The following CYP4F11 variants were observed in gnomAD, a reference collection of about 807,000 sequenced individuals.
CYP4F11 encodes the protein cytochrome P450 family 4 subfamily F member 11.
CYP4F11 carries 79 observed loss-of-function variants against 62.2 expected under a neutral mutation model. The ratio of observed to expected loss-of-function variants is 1.27; its 90% CI spans 1.06 to 1.53. The LOEUF (loss-of-function observed/expected upper bound fraction) is 1.53, where lower values mean the gene tolerates loss of function less well. CYP4F11 is among the 40% of genes most tolerant of loss of function. The pLI is 0.00. For missense variants in CYP4F11, 777 were observed against 680.5 expected (o/e 1.14, Z -1.58); for synonymous variants, 290 against 263.7 (o/e 1.10, Z -0.97).
intron 8 of CYP4F11, among the ~76,000 whole-genome samples, chr19:15,919,341 A>AGATC (rs1334235845): frequency 6.8e-6 from 1 of 147,506 alleles, no homozygotes; most frequent in Non-Finnish European, 1.5e-5. Flanking sequence ...TGATATAGAT[A>AGATC]GATCGATGGA....
At chr19:15,917,176 A>G (rs902347304) in intron 8 of CYP4F11, among the ~76,000 whole-genome samples, 16 of 152,332 alleles carry the variant, frequency 1.1e-4, no homozygotes, top group African/African-American at 3.8e-4. Context: ...CAAGAATAAA[A>G]AACCAAATAT....
chr19:15,931,581 CGAGG>C (rs1332987419), intron 1 of CYP4F11, among the ~76,000 whole-genome samples: 10 of 55,820 alleles, frequency 1.8e-4, no homozygotes, highest in South Asian at 7.8e-4. Context: ...AATGAGTGAG[CGAGG>C]AGAGGAATGA....
At chr19:15,915,047 G>A in intron 8 of CYP4F11, 152 bp from the exon 9 acceptor site, 1 of 1,336,398 alleles carries the variant, frequency 7.5e-7, no homozygotes. Flanking sequence ...AAAAAAATTA[G>A]AAAAGCAGAA....
intron 8 of CYP4F11, among the ~76,000 whole-genome samples, chr19:15,915,907 G>A (rs980978642): frequency 6.6e-6 from 1 of 151,570 alleles, no homozygotes; most frequent in Non-Finnish European, 1.5e-5. Flanking sequence ...TAAAAGATAA[G>A]ATATTAATAA....
chr19:15,930,583 C>G (rs576854962), intron 1 of CYP4F11, among the ~76,000 whole-genome samples: 1 of 152,118 alleles, frequency 6.6e-6, no homozygotes, highest in Non-Finnish European at 1.5e-5. Context: ...CAGAGTGAGA[C>G]TCTGTCTCAA....
chr19:15,922,887 C>G (rs2089639672), intron 6 of CYP4F11, among the ~76,000 whole-genome samples: 1 of 127,282 alleles, frequency 7.9e-6, no homozygotes, highest in African/African-American at 2.6e-5. Flanking sequence ...AACCCCGTCC[C>G]TACTAAAAAA....
chr19:15,920,515 G>T (rs2089617477), intron 8 of CYP4F11, among the ~76,000 whole-genome samples: 1 of 152,104 alleles, frequency 6.6e-6, no homozygotes, highest in Admixed American at 6.5e-5. Flanking sequence ...TTGAAATCTT[G>T]GTTTTAAAAG....
At chr19:15,929,356 G>A (rs1011874719) in intron 2 of CYP4F11, 101 bp downstream of exon 2, 36 of 1,464,014 alleles carry the variant, frequency 2.5e-5, no homozygotes, top group Non-Finnish European at 3.1e-5. Context: ...AGGAAGAGGG[G>A]CCTGGGCCCT....
In CYP4F11 at chr19:15,912,697, A is replaced by ATATATG. The variant is rs1243320677; in HGVS notation, c.*1034_*1035insCATATA. 1.7e-4 allele frequency: 12 copies of ATATATG among 72,696 alleles called. No individual in the cohort carries two copies. The highest frequency in any genetic ancestry group is 5.1e-4 in the African/African-American group (9 of 17,670). The allele number at this position is 72,696 out of a possible 1,614,324, so 4.5% of individuals were successfully genotyped here. A position where few individuals can be genotyped will look rare whatever the true frequency, so the allele number is the denominator to read the frequency against. ...AAAAAAAAAATATATATATATATAT[A>ATATATG]TGTGTGTGTGTGTGTGTGTGTGTGT... On this transcript the variant is annotated 3_prime_UTR_variant, in exon 12 of 12. Coordinates refer to ENST00000402119, the MANE Select transcript of CYP4F11 (RefSeq NM_021187.4).
In CYP4F11 at chr19:15,924,741, G is replaced by T; in HGVS notation, c.647+20C>A. On this transcript the variant is annotated intron_variant, in intron 5 of 11. Coordinates refer to ENST00000402119, the MANE Select transcript of CYP4F11 (RefSeq NM_021187.4). ...CTTGGGTTCCAGGCCCAAGTTCTCA[G>T]GTCCTAGGAAAGGACTCACTCCTGA... 1 of 1,604,696 alleles carries T rather than the reference G, an allele frequency of 6.2e-7. No homozygotes were observed. Among genetic ancestry groups the T allele is most frequent in the Non-Finnish European group, 8.5e-7 (1 of 1,174,132 alleles).
In CYP4F11 at chr19:15,927,480, G is replaced by A. The variant is rs1454087694; in HGVS notation, c.347C>T (p.Ala116Val). 1.2e-6 allele frequency: 2 copies of A among 1,614,160 alleles called. No homozygotes were observed. The highest frequency in any genetic ancestry group is 1.7e-6 in the Non-Finnish European group (2 of 1,180,034). Residue 116 changes from alanine to valine, a missense_variant, in exon 3 of 12, where the codon GCT becomes GTT. Coordinates refer to ENST00000402119, the MANE Select transcript of CYP4F11 (RefSeq NM_021187.4). ...GAAAATCATATCCTTGGGTGCGACA[G>A]CAGCTGACATGATTGAGGACCATCA... The part of the protein sequence containing the change: ...IIRPITSASA[A>V]VAPKDMIFYG...
intron 4 of CYP4F11, among the ~76,000 whole-genome samples, chr19:15,925,729 T>TGCACACAC (rs138322139): frequency 7.0e-6 from 1 of 142,820 alleles, no homozygotes; most frequent in African/African-American, 2.6e-5. Context: ...TACATATATG[T>TGCACACAC]ACACACACAC....
At chr19:15,923,238 CCTCT>C (rs3056063) in intron 6 of CYP4F11, among the ~76,000 whole-genome samples, 6,172 of 110,434 alleles carry the variant, frequency 0.056, 185 homozygotes, top group African/African-American at 0.1. Flanking sequence ...AAGCAAACAT[CCTCT>C]CTCTCTCTCT....
At position 15,914,345 on chromosome 19, in the gene CYP4F11, T is replaced by C. The variant is rs761645548; in HGVS notation, c.1357A>G (p.Arg453Gly). 1.2e-6 allele frequency: 2 copies of C among 1,613,976 alleles called. No homozygotes were observed. The highest frequency in any genetic ancestry group is 1.7e-6 in the Non-Finnish European group (2 of 1,179,974). The change falls in exon 11 of 12, where the codon AGG becomes GGG. Residue 453 changes from arginine (R) to glycine (G), a missense_variant. Coordinates refer to ENST00000402119, the MANE Select transcript of CYP4F11 (RefSeq NM_021187.4). ...AAGGGAATAAAAGCCAGAGGTGACC[T>C]CTCCTTGATGTTCTCTTGGTCGAAA... is the stretch of plus-strand genomic sequence containing the variant. ...FRFDQENIKERSPLAFIPFSA... is the reference protein window; with the variant it reads ...FRFDQENIKEGSPLAFIPFSA...
intron 8 of CYP4F11, among the ~76,000 whole-genome samples, chr19:15,916,499 T>C (rs1264927639): frequency 6.6e-6 from 1 of 152,098 alleles, no homozygotes. Context: ...ACCCACATAG[T>C]GGAAGAAAAT....
intron 6 of CYP4F11, 141 bp from the exon 7 acceptor site, chr19:15,922,571 T>A: frequency 1.2e-6 from 1 of 812,016 alleles, no homozygotes; most frequent in Non-Finnish European, 2.0e-6. Context: ...TGTCTCTTGG[T>A]CACCACCATC....
At position 15,934,249 on chromosome 19, in the gene CYP4F11, G is replaced by A. The variant is rs767737472; in HGVS notation, c.160C>T (p.Pro54Ser). ...CCCCAAAACCAGTTCTGTTTCGGGG[G>A]TTGAGGAAAACACTGGAGGCGGCGG... is the stretch of plus-strand genomic sequence containing the variant. ...NCRRLQCFPQ[P>S]PKQNWFWGHQ... The change falls in exon 1 of 12, where the codon CCC (proline) becomes TCC (serine). Residue 54 changes from proline (P) to serine (S), a missense_variant. Pro to Ser is a moderately conservative substitution (Grantham distance 74). Transcript: ENST00000402119. 6.2e-7 allele frequency: 1 copy of A among 1,613,808 alleles called. No homozygotes were observed. The highest frequency in any genetic ancestry group is 2.2e-5 in the East Asian group (1 of 44,874).
intron 8 of CYP4F11, among the ~76,000 whole-genome samples, chr19:15,920,869 C>G (rs1350478423): frequency 6.6e-6 from 1 of 152,136 alleles, no homozygotes; most frequent in Non-Finnish European, 1.5e-5. Flanking sequence ...TTCTCCCTCT[C>G]TATTCATCTC....
At chr19:15,922,220 A>T in intron 7 of CYP4F11, 54 bp from the exon 8 acceptor site, 2 of 1,597,982 alleles carry the variant, frequency 1.3e-6, no homozygotes, top group Non-Finnish European at 1.7e-6. Flanking sequence ...CACCAGAGGG[A>T]GGAGAGCACC....
Sources: gnomAD v4.1 joint callset for allele counts (sites outside exome capture counted in the v4.1 genomes callset) on GRCh38, gnomAD v4.1.1 for gene constraint, MANE v1.5 for transcripts, NCBI Gene and HGNC (gene_info 2026-07-23, HGNC 2026-07-21) for gene names.